The following NEK1 variants were observed in gnomAD, a reference collection of about 807,000 sequenced individuals.
NEK1 encodes NIMA related kinase 1, also known as serine/threonine-protein kinase Nek1.
In NEK1, 137 loss-of-function variants were observed where a neutral mutation model predicts 182.1. The observed-to-expected ratio is 0.75, with a 90% CI of 0.65 to 0.87. The LOEUF is 0.87. NEK1 is among the 40% of genes least tolerant of loss of function. The pLI is 0.00. For synonymous variants in NEK1, 513 were observed against 492.2 expected (o/e 1.04, Z -0.56); for missense variants, 1,391 against 1,494.4 (o/e 0.93, Z 1.14).
In NEK1 at chr4:169,401,800, A is replaced by G; in HGVS notation, c.3435T>C (p.Leu1145=). The G allele has an allele frequency of 6.2e-7, 1 of 1,613,862 alleles. No individual in the cohort carries two copies. Among genetic ancestry groups the G allele is most frequent in the Non-Finnish European group, 8.5e-7 (1 of 1,179,802 alleles). The change falls in exon 33 of 36, where the codon CTT becomes CTC. Residue 1145 remains leucine, a synonymous_variant. Coordinates refer to ENST00000507142, the MANE Select transcript of NEK1 (RefSeq NM_001199397.3). ...TGTATTCTTCACCAGGTTGTTCCCT[A>G]AGTAACTGTTCCATCGAGGCCTGCA... ...QELQASMEQL[L]REQPGEEYSE...
Position 169,438,138 on chromosome 4 carries a change from G to C in NEK1, c.2709C>G (p.Pro903=). ...TCTGTGGAGATGCCTCACTGAACTC[G>C]GGACTTTTTGTCTCAACAGGAGAAT... is the stretch of plus-strand genomic sequence containing the variant. ...IVDSPVETKS[P]EFSEASPQMS... Residue 903 remains proline (P), a synonymous_variant, in exon 28 of 36, where the codon CCC becomes CCG. Transcript: ENST00000507142. The C allele has an allele frequency of 6.2e-7, 1 of 1,611,490 alleles. No homozygotes were observed.
chr4:169,414,668 G>C (rs1734228349), intron 31 of NEK1, among the ~76,000 whole-genome samples: 1 of 152,118 alleles, frequency 6.6e-6, no homozygotes, highest in Admixed American at 6.5e-5. Context: ...ATTACTTACG[G>C]TGTGTGCCAA....
At chr4:169,430,377 G>A (rs924438186) in intron 29 of NEK1, among the ~76,000 whole-genome samples, 1 of 152,072 alleles carries the variant, frequency 6.6e-6, no homozygotes, top group Non-Finnish European at 1.5e-5. Flanking sequence ...TAGGAACAGG[G>A]TTTCGCCATG....
At chr4:169,406,533 CTCT>C (rs1007990379) in intron 32 of NEK1, 60 bp downstream of exon 32, 6 of 1,260,452 alleles carry the variant, frequency 4.8e-6, no homozygotes, top group Admixed American at 3.0e-5. Flanking sequence ...AAGTTATCCC[CTCT>C]TTTTTACATA....
intron 32 of NEK1, among the ~76,000 whole-genome samples, chr4:169,404,902 C>T (rs568368904): frequency 1.1e-4 from 17 of 152,246 alleles, no homozygotes; most frequent in African/African-American, 3.4e-4. Context: ...CAGGATTCCC[C>T]ATGAATCACA....
At chr4:169,445,842 C>CTATATATATATATA (rs1206499120) in intron 27 of NEK1, among the ~76,000 whole-genome samples, 1 of 108,588 alleles carries the variant, frequency 9.2e-6, no homozygotes, top group African/African-American at 4.8e-5. Flanking sequence ...AACAAAACAA[C>CTATATATATATATA]TATATACATA....
At chr4:169,428,685 C>A (rs1275892218) in intron 29 of NEK1, among the ~76,000 whole-genome samples, 1 of 151,972 alleles carries the variant, frequency 6.6e-6, no homozygotes, top group Non-Finnish European at 1.5e-5. Flanking sequence ...ATGTAATTGA[C>A]TTGTACAATT....
chr4:169,486,537 A>G (rs1749073518), intron 23 of NEK1, among the ~76,000 whole-genome samples: 1 of 152,236 alleles, frequency 6.6e-6, no homozygotes. Context: ...TTTTGAATAG[A>G]GTAATTTCAC....
At chr4:169,450,125 G>C (rs1289634206) in intron 27 of NEK1, among the ~76,000 whole-genome samples, 1 of 152,082 alleles carries the variant, frequency 6.6e-6, no homozygotes, top group African/African-American at 2.4e-5. Context: ...GAGAAGTTTA[G>C]AGAAAAAAGA....
intron 18 of NEK1, among the ~76,000 whole-genome samples, chr4:169,544,023 G>A (rs1208147479): frequency 1.6e-4 from 24 of 152,180 alleles, no homozygotes; most frequent in Admixed American, 1.6e-3. Flanking sequence ...ATGATATGTT[G>A]AATAGGAGTG....
intron 18 of NEK1, among the ~76,000 whole-genome samples, chr4:169,548,390 A>T (rs1760879091): frequency 6.6e-6 from 1 of 152,200 alleles, no homozygotes; most frequent in Admixed American, 6.5e-5. Flanking sequence ...CTCCTGTATG[A>T]GGAGTCTGTC....
At chr4:169,588,610 A>G in intron 8 of NEK1, 39 bp downstream of exon 8, 2 of 1,283,002 alleles carry the variant, frequency 1.6e-6, no homozygotes, top group Non-Finnish European at 2.2e-6. Flanking sequence ...AAAAAAATTG[A>G]AAGCAAATAC....
chr4:169,445,785 G>A (rs1296062774), intron 27 of NEK1, among the ~76,000 whole-genome samples: 1 of 150,786 alleles, frequency 6.6e-6, no homozygotes. Context: ...TCAGCATTAT[G>A]CGATATACCC....
At chr4:169,411,137 T>A (rs1733602356) in intron 31 of NEK1, among the ~76,000 whole-genome samples, 1 of 152,180 alleles carries the variant, frequency 6.6e-6, no homozygotes, top group African/African-American at 2.4e-5. Context: ...GCTCTTATTG[T>A]GGGTTAAGAA....
chr4:169,562,241 A>T, intron 12 of NEK1, 45 bp from the exon 13 acceptor site: 1 of 1,369,138 alleles, frequency 7.3e-7, no homozygotes, highest in Admixed American at 2.5e-5. Flanking sequence ...ATTTTGAGGC[A>T]CTTATTTGAA....
chr4:169,414,915 A>T (rs1205992175), intron 31 of NEK1, among the ~76,000 whole-genome samples: 6 of 152,238 alleles, frequency 3.9e-5, no homozygotes, highest in Non-Finnish European at 8.8e-5. Context: ...ATTGCTCTGT[A>T]ACCTACTTTA....
intron 18 of NEK1, among the ~76,000 whole-genome samples, chr4:169,538,651 G>C (rs1758881926): frequency 6.6e-6 from 1 of 152,100 alleles, no homozygotes. Flanking sequence ...CCAGTAATCA[G>C]AGAACTCATA....
chr4:169,426,031 G>A (rs922105739), intron 30 of NEK1, 115 bp downstream of exon 30: 1 of 722,524 alleles, frequency 1.4e-6, no homozygotes, highest in Admixed American at 2.4e-5. Context: ...TTAAATGATT[G>A]AGATGACTGA....
intron 5 of NEK1, among the ~76,000 whole-genome samples, chr4:169,594,590 T>C (rs1255091978): frequency 6.6e-6 from 1 of 152,234 alleles, no homozygotes; most frequent in Non-Finnish European, 1.5e-5. Flanking sequence ...GTGAAGATCC[T>C]TATAATTTTA....
Sources: gnomAD v4.1 joint callset for allele counts (sites outside exome capture counted in the v4.1 genomes callset) on GRCh38, gnomAD v4.1.1 for gene constraint, MANE v1.5 for transcripts, NCBI Gene and HGNC (gene_info 2026-07-23, HGNC 2026-07-21) for gene names.